Variants in IPMK observed in about 807,000 individuals in gnomAD.
IPMK encodes inositol 1,3,4,6-tetrakisphosphate 5-kinase.
IPMK carries 17 observed loss-of-function variants against 45.8 expected under a neutral mutation model. The observed-to-expected ratio is 0.37, with a 90% confidence interval of 0.25 to 0.56. The LOEUF is 0.56. Ranked by LOEUF, IPMK falls within the 20% of genes least tolerant of loss-of-function variation. IPMK has a pLI of 0.79. For synonymous variants in IPMK, 180 were observed against 184.3 expected, an observed-to-expected ratio of 0.98 and a Z score of 0.19; for missense variants, 399 against 498.0, an observed-to-expected ratio of 0.80 and a Z score of 1.89.
rs1838378421 is a variant in IPMK, at chr10:58,224,167, T to A, written c.373+2876A>T. On this transcript the variant is annotated intron_variant, in intron 3 of 5. Coordinates refer to ENST00000373935, the MANE Select transcript of IPMK (RefSeq NM_152230.5). ...AAGAGGTATGCAACAGACATGTATG[T>A]CAGCTTGTTTCAGTTCATGCCTCCT... 2.6e-5 allele frequency among the ~76,000 whole-genome samples: 4 copies of A among 152,330 alleles called. No homozygotes were observed. The South Asian group carries it at 8.3e-4, about 32-fold the overall frequency.
intron 4 of IPMK, among the ~76,000 whole-genome samples, chr10:58,203,371 C>T (rs1838024100): frequency 6.6e-6 from 1 of 152,256 alleles, no homozygotes; most frequent in Non-Finnish European, 1.5e-5. Context: ...GGCTGGAGTG[C>T]AGTAGCACGA....
intron 1 of IPMK, among the ~76,000 whole-genome samples, chr10:58,264,948 G>A (rs562958450): frequency 1.3e-5 from 2 of 152,260 alleles, no homozygotes; most frequent in South Asian, 4.1e-4. Flanking sequence ...ACCAGTGATT[G>A]CCCCTGGGAG....
chr10:58,265,683 T>C (rs1035512138), intron 1 of IPMK, among the ~76,000 whole-genome samples: 1 of 152,170 alleles, frequency 6.6e-6, no homozygotes, highest in Non-Finnish European at 1.5e-5. Context: ...AAAGTTTATT[T>C]TACACTGAAT....
chr10:58,216,032 C>T lies in IPMK; in HGVS notation c.546+113G>A, dbSNP rs988313403. On this transcript the variant is annotated intron_variant, in intron 4 of 5. Transcript: ENST00000373935. ...TCACATTGGGGAGTTACAGACAACT[C>T]AATTCCAAAATACATTATTTTCTGA... is the stretch of plus-strand genomic sequence containing the variant. The T allele has an allele frequency of 5.0e-6, 4 of 800,834 alleles. No homozygotes were observed. In the African/African-American group the frequency reaches 5.4e-5, roughly 11 times the overall value. The allele number at this position is 800,834 out of a possible 1,614,324, so 49.6% of individuals were successfully genotyped here.
At chr10:58,248,274 TTAAGAA>T (rs1168109015) in intron 1 of IPMK, among the ~76,000 whole-genome samples, 1 of 152,016 alleles carries the variant, frequency 6.6e-6, no homozygotes, top group African/African-American at 2.4e-5. Context: ...GTGCATGTAA[TTAAGAA>T]TACTGTACAT....
chr10:58,239,542 GC>G (rs1306717484), intron 1 of IPMK, among the ~76,000 whole-genome samples: 5 of 152,150 alleles, frequency 3.3e-5, no homozygotes, highest in Non-Finnish European at 7.4e-5. Flanking sequence ...GCAGTAATCA[GC>G]CAAGCGGTAG....
At chr10:58,259,725 G>A (rs1392839177) in intron 1 of IPMK, among the ~76,000 whole-genome samples, 1 of 148,672 alleles carries the variant, frequency 6.7e-6, no homozygotes, top group African/African-American at 2.5e-5. Flanking sequence ...CTATAGTCCC[G>A]GCTACTCAGG....
At chr10:58,198,359 T>C (rs1401791713) in intron 5 of IPMK, among the ~76,000 whole-genome samples, 1 of 152,218 alleles carries the variant, frequency 6.6e-6, no homozygotes, top group East Asian at 1.9e-4. Context: ...TGGGAATTTA[T>C]AGGTATATAT....
In IPMK at chr10:58,194,293, T is replaced by C. The variant is rs564250363; in HGVS notation, c.*1783A>G. 12 of 151,778 alleles carry C rather than the reference T, an allele frequency of 7.9e-5. No homozygotes were observed. The highest frequency in any genetic ancestry group is 1.8e-4 in the Non-Finnish European group (12 of 67,746). 9.4% of individuals were successfully genotyped at this position (151,778 alleles called of 1,614,324 possible). A position where few individuals can be genotyped will look rare whatever the true frequency, so the allele number is the denominator to read the frequency against. Reference sequence around the variant, plus strand: ...CCAAATAACAACAAAATCCATATTGTAAAAGAAAAAAGTAAAACTAAAAAT... The same window carrying C: ...CCAAATAACAACAAAATCCATATTGCAAAAGAAAAAAGTAAAACTAAAAAT... On this transcript the variant is annotated 3_prime_UTR_variant, in exon 6 of 6. Coordinates refer to ENST00000373935, the MANE Select transcript of IPMK (RefSeq NM_152230.5).
intron 1 of IPMK, among the ~76,000 whole-genome samples, chr10:58,239,082 G>A (rs887975329): frequency 6.6e-6 from 1 of 152,150 alleles, no homozygotes; most frequent in Non-Finnish European, 1.5e-5. Flanking sequence ...CCAGGAGTTT[G>A]AGGCTGCAAT....
intron 3 of IPMK, among the ~76,000 whole-genome samples, chr10:58,221,671 G>A (rs1469378465): frequency 6.6e-6 from 1 of 152,032 alleles, no homozygotes; most frequent in African/African-American, 2.4e-5. Context: ...TGATCCTCTC[G>A]CTGCAGCCTC....
rs1837885462 is a variant in IPMK at position 58,195,916 on chromosome 10, A to G, written c.*160T>C. The G allele has an allele frequency of 3.0e-6, 2 of 668,782 alleles. No individual in the cohort carries two copies. Among genetic ancestry groups the G allele is most frequent in the Admixed American group, 3.1e-5 (1 of 32,354 alleles). 41.4% of individuals were successfully genotyped at this position (668,782 alleles called of 1,614,324 possible). A position where few individuals can be genotyped will look rare whatever the true frequency, so the allele number is the denominator to read the frequency against. On this transcript the variant is annotated 3_prime_UTR_variant, in exon 6 of 6. Transcript: ENST00000373935. The stretch of plus-strand genomic sequence containing the variant: ...AATGAACAAATAGTTAGTTTTCCTG[A>G]GTAAGATTATAAAAAAGTTAACCAT...
chr10:58,252,495 T>A (rs1322665805), intron 1 of IPMK, among the ~76,000 whole-genome samples: 2 of 151,964 alleles, frequency 1.3e-5, no homozygotes, highest in African/African-American at 2.4e-5. Flanking sequence ...GCATGTTTGT[T>A]CTGTAGGTAA....
intron 4 of IPMK, among the ~76,000 whole-genome samples, chr10:58,205,278 T>C (rs1838054873): frequency 7.7e-6 from 1 of 129,252 alleles, no homozygotes; most frequent in Non-Finnish European, 1.6e-5. Context: ...AGTAAGAAAA[T>C]CAGATTAGAA....
Position 58,267,560 on chromosome 10 carries a change from C to T in IPMK, c.52G>A (p.Glu18Lys), listed in dbSNP as rs1224129033. Reference sequence around the variant, plus strand: ...TCGATCGCCGGTGAGGTCCGCATTTCTGGGGGGCCCGGCGCCTCGACCCGG... The same window carrying T: ...TCGATCGCCGGTGAGGTCCGCATTTTTGGGGGGCCCGGCGCCTCGACCCGG... ...PLRVEAPGPP[E>K]MRTSPAIEST... is the part of the protein sequence containing the mutation. Residue 18 changes from glutamate (E) to lysine (K), a missense_variant, in exon 1 of 6, where the codon GAA becomes AAA. Physicochemically the swap from Glu to Lys is moderately conservative, Grantham distance 56. Around this residue, in one of 2 missense-constraint regions of IPMK, gnomAD observed 111 missense variants for 99.9 expected, o/e 1.11. Transcript: ENST00000373935. The T allele has an allele frequency of 1.2e-6, 2 of 1,610,076 alleles. No individual in the cohort carries two copies. The highest frequency in any genetic ancestry group is 1.7e-6 in the Non-Finnish European group (2 of 1,178,590).
chr10:58,221,199 T>G (rs1436993783), intron 3 of IPMK, among the ~76,000 whole-genome samples: 1 of 152,174 alleles, frequency 6.6e-6, no homozygotes, highest in Non-Finnish European at 1.5e-5. Flanking sequence ...CTCTTTTGCA[T>G]GTGTCATGAC....
intron 1 of IPMK, among the ~76,000 whole-genome samples, chr10:58,248,441 T>C (rs908599793): frequency 4.5e-4 from 69 of 152,206 alleles, no homozygotes; most frequent in Admixed American, 3.9e-4. Flanking sequence ...TAACTGTACA[T>C]ATTTATGTGT....
At chr10:58,232,761 A>G (rs1838544839) in intron 2 of IPMK, among the ~76,000 whole-genome samples, 1 of 152,242 alleles carries the variant, frequency 6.6e-6, no homozygotes, top group Non-Finnish European at 1.5e-5. Context: ...TAACGTCACA[A>G]TTAAAAGAAC....
chr10:58,227,393 T>G (rs1294716197), intron 2 of IPMK, among the ~76,000 whole-genome samples: 1 of 152,214 alleles, frequency 6.6e-6, no homozygotes, highest in Non-Finnish European at 1.5e-5. Context: ...TTATAGATAC[T>G]GATAGCAAAT....
Sources: allele counts gnomAD v4.1 joint callset (sites outside exome capture counted in the v4.1 genomes callset), GRCh38; gene constraint gnomAD v4.1.1; regional missense constraint gnomAD v4.1.1; transcripts MANE v1.5; gene names NCBI Gene and HGNC (gene_info 2026-07-23, HGNC 2026-07-21).